SCG5: variants seen among roughly 807,000 people sequenced by gnomAD.
The protein encoded by SCG5 is neuroendocrine protein 7B2.
Under a neutral mutation model 25.7 loss-of-function variants are expected in SCG5, and 18 were observed. The observed-to-expected ratio is 0.70, with a 90% confidence interval of 0.48 to 1.04. The LOEUF is 1.04. SCG5 is among the 50% of genes least tolerant of loss of function. The pLI, the probability that SCG5 is intolerant of heterozygous loss-of-function variation, is 0.00. For missense variants in SCG5, 206 were observed against 259.8 expected (o/e 0.79, Z 1.42); for synonymous variants, 101 against 91.7 (o/e 1.10, Z -0.58).
rs529549754 is a variant in SCG5 at position 32,682,894 on chromosome 15, G to A, written c.377-1663G>A. Among the ~76,000 whole-genome samples, 4 of 152,310 alleles carry A rather than the reference G, an allele frequency of 2.6e-5. No homozygotes were observed. In the East Asian group the frequency reaches 7.7e-4, roughly 29 times the overall value. Reference sequence around the variant, plus strand: ...TCCATCTCAGCCTCAGAGATAGGATGTGAATTCTAGGGCACATTTTTAAGC... The same window carrying A: ...TCCATCTCAGCCTCAGAGATAGGATATGAATTCTAGGGCACATTTTTAAGC... On this transcript the variant is annotated intron_variant, in intron 3 of 5. Transcript: ENST00000300175.
At chr15:32,682,893 TG>T (rs1223667365) in intron 3 of SCG5, among the ~76,000 whole-genome samples, 1 of 152,180 alleles carries the variant, frequency 6.6e-6, no homozygotes, top group Non-Finnish European at 1.5e-5. Context: ...AGAGATAGGA[TG>T]TGAATTCTAG....
In SCG5 at chr15:32,692,092, G is replaced by A. The variant is rs76249010; in HGVS notation, c.543+329G>A. 1.1e-3 allele frequency: 1,256 copies of A among 1,172,562 alleles called. 15 individuals are homozygous for A. In the African/African-American group the frequency reaches 0.018, roughly 17 times the overall value. The allele number at this position is 1,172,562 out of a possible 1,614,324, so 72.6% of individuals were successfully genotyped here. A position where few individuals can be genotyped will look rare whatever the true frequency, so the allele number is the denominator to read the frequency against. Reference sequence around the variant, plus strand: ...ACATGAGGGTCTGTCTGCCCTCCCAGGGTCTGTAGGCCAGTGGGGAAAAAC... The same window carrying A: ...ACATGAGGGTCTGTCTGCCCTCCCAAGGTCTGTAGGCCAGTGGGGAAAAAC... On this transcript the variant is annotated intron_variant, in intron 5 of 5. Coordinates refer to ENST00000300175, the MANE Select transcript of SCG5 (RefSeq NM_001144757.3).
At chr15:32,681,687 C>T (rs1247902527) in intron 3 of SCG5, among the ~76,000 whole-genome samples, 2 of 152,048 alleles carry the variant, frequency 1.3e-5, no homozygotes, top group South Asian at 2.1e-4. Context: ...AGAGCTCAAA[C>T]GATCCTCCCA....
Position 32,689,903 on chromosome 15 carries a change from G to A in SCG5, c.490-1807G>A, listed in dbSNP as rs201884358. Among the ~76,000 whole-genome samples the A allele has an allele frequency of 6.7e-5, 10 of 150,308 alleles. 1 individual carries two copies. The South Asian group carries it at 2.1e-3, about 32-fold the overall frequency. On this transcript the variant is annotated intron_variant, in intron 4 of 5. Coordinates refer to ENST00000300175, the MANE Select transcript of SCG5 (RefSeq NM_001144757.3). ...GTCCCCCAGGCTGGAGTGCAGTGGC[G>A]CAATCTCAGCTCACTGCAAGCTCTG...
At chr15:32,678,338 A>G (rs1464201075) in intron 2 of SCG5, among the ~76,000 whole-genome samples, 4 of 152,226 alleles carry the variant, frequency 2.6e-5, no homozygotes, top group Non-Finnish European at 5.9e-5. Context: ...TATTATGTAA[A>G]ATGTTCATAC....
chr15:32,693,595 A>G (rs559338941), intron 5 of SCG5, among the ~76,000 whole-genome samples: 1 of 152,318 alleles, frequency 6.6e-6, no homozygotes, highest in Admixed American at 6.5e-5. Context: ...GAATCAATAT[A>G]AAGAAACTAT....
At chr15:32,642,549 CAA>C (rs1027201559) in intron 1 of SCG5, among the ~76,000 whole-genome samples, 2 of 84,000 alleles carry the variant, frequency 2.4e-5, no homozygotes, top group African/African-American at 9.4e-5. Context: ...GCCTGGGCAA[CAA>C]GAGTGAAACT....
At chr15:32,688,960 A>AG (rs2054784977) in intron 4 of SCG5, among the ~76,000 whole-genome samples, 1 of 101,954 alleles carries the variant, frequency 9.8e-6, no homozygotes, top group Non-Finnish European at 2.3e-5. Context: ...CTCCGTCTCA[A>AG]AAAAAAAAAA....
chr15:32,672,784 C>T (rs2054455788), intron 2 of SCG5, among the ~76,000 whole-genome samples: 1 of 152,048 alleles, frequency 6.6e-6, no homozygotes, highest in Non-Finnish European at 1.5e-5. Flanking sequence ...TGGCTTTAGG[C>T]AAGAAACCTT....
intron 2 of SCG5, among the ~76,000 whole-genome samples, chr15:32,670,993 G>A (rs1567080564): frequency 6.6e-6 from 1 of 152,210 alleles, no homozygotes; most frequent in Non-Finnish European, 1.5e-5. Flanking sequence ...CGTTCATGGA[G>A]TGCTTATTAC....
chr15:32,680,551 G>A (rs1488876500), intron 3 of SCG5, among the ~76,000 whole-genome samples: 1 of 152,052 alleles, frequency 6.6e-6, no homozygotes, highest in Non-Finnish European at 1.5e-5. Context: ...CCTTTTCCAT[G>A]ATACAACTTC....
rs1555434474 is a variant in SCG5 at position 32,663,079 on chromosome 15, A to AT, written c.227-16687_227-16686insT. Among the ~76,000 whole-genome samples, 127 of 65,968 alleles carry AT rather than the reference A, an allele frequency of 1.9e-3. 2 individuals are homozygous for AT. Among genetic ancestry groups the AT allele is most frequent in the African/African-American group, 5.9e-3 (112 of 19,100 alleles). 43.3% of individuals were successfully genotyped at this position (65,968 alleles called of 152,430 possible). On this transcript the variant is annotated intron_variant, in intron 2 of 5. Transcript: ENST00000300175. ...TATATATATATATATATATATATAT[A>AT]ATATATAATATGTTATATATACACA...
intron 4 of SCG5, among the ~76,000 whole-genome samples, chr15:32,685,423 G>A (rs1209870595): frequency 6.6e-6 from 1 of 152,218 alleles, no homozygotes; most frequent in Non-Finnish European, 1.5e-5. Flanking sequence ...ATTGGAAGAG[G>A]TGGAAAGATA....
At chr15:32,669,811 A>G (rs2054388106) in intron 2 of SCG5, among the ~76,000 whole-genome samples, 1 of 152,112 alleles carries the variant, frequency 6.6e-6, no homozygotes, top group Non-Finnish European at 1.5e-5. Flanking sequence ...AGTTAAATTC[A>G]TAGGATAAAA....
chr15:32,650,604 T>C lies in SCG5; in HGVS notation c.226+6786T>C, dbSNP rs114680706. 4.1e-3 allele frequency among the ~76,000 whole-genome samples: 620 copies of C among 152,336 alleles called. 7 individuals are homozygous for C. The highest frequency in any genetic ancestry group is 0.014 in the African/African-American group (578 of 41,582). On this transcript the variant is annotated intron_variant, in intron 2 of 5. Coordinates refer to ENST00000300175, the MANE Select transcript of SCG5 (RefSeq NM_001144757.3). ...TCCAGGGGACTGATTCGGAGAACCA[T>C]GTGCTGTGAGATGGGAGCTCTTGGG... is the stretch of plus-strand genomic sequence containing the variant.
chr15:32,676,364 G>A (rs190826754), intron 2 of SCG5, among the ~76,000 whole-genome samples: 159 of 152,296 alleles, frequency 1.0e-3, no homozygotes, highest in African/African-American at 3.5e-3. Flanking sequence ...AAGAGAAACT[G>A]TTTGCTTCCT....
intron 2 of SCG5, among the ~76,000 whole-genome samples, chr15:32,650,007 C>T (rs1054416867): frequency 2.6e-5 from 4 of 152,276 alleles, no homozygotes; most frequent in Non-Finnish European, 5.9e-5. Context: ...CAGTGGGTGC[C>T]ATTAGTAACT....
intron 2 of SCG5, among the ~76,000 whole-genome samples, chr15:32,650,073 C>A (rs1397995843): frequency 6.6e-6 from 1 of 152,140 alleles, no homozygotes; most frequent in Admixed American, 6.5e-5. Flanking sequence ...TGTTTTCAGT[C>A]TTTAATGGCT....
chr15:32,683,634 C>T (rs1216199822), intron 3 of SCG5, among the ~76,000 whole-genome samples: 2 of 152,130 alleles, frequency 1.3e-5, no homozygotes, highest in Non-Finnish European at 2.9e-5. Flanking sequence ...CACAGCAATC[C>T]CGTAGGTAAG....
Sources: gnomAD v4.1 joint callset for allele counts (sites outside exome capture counted in the v4.1 genomes callset) on GRCh38, gnomAD v4.1.1 for gene constraint, MANE v1.5 for transcripts, NCBI Gene and HGNC (gene_info 2026-07-23, HGNC 2026-07-21) for gene names.